The following UGT1A9 variants were observed in gnomAD, a reference collection of about 807,000 sequenced individuals.
UGT1A9 encodes UDP glucuronosyltransferase family 1 member A9, also known as UDP-glucuronosyltransferase 1A9.
Under a neutral mutation model 45.0 loss-of-function variants are expected in UGT1A9, and 35 were observed. The ratio of observed to expected loss-of-function variants is 0.78; its 90% confidence interval spans 0.59 to 1.03. The LOEUF is 1.03. UGT1A9 is among the 50% of genes least tolerant of loss of function. UGT1A9 has a pLI of 0.00. For synonymous variants in UGT1A9, 278 were observed against 250.6 expected (o/e 1.11, Z -1.03); for missense variants, 687 against 666.6 (o/e 1.03, Z -0.34).
chr2:233,694,717 T>A (rs1262844256), intron 1 of UGT1A9, among the ~76,000 whole-genome samples: 4 of 152,178 alleles, frequency 2.6e-5, no homozygotes, highest in Non-Finnish European at 5.9e-5. Flanking sequence ...CACCTGCTGA[T>A]TTCTCTGTTA....
At chr2:233,677,605 T>G (rs2074394886) in intron 1 of UGT1A9, among the ~76,000 whole-genome samples, 1 of 151,738 alleles carries the variant, frequency 6.6e-6, no homozygotes, top group South Asian at 2.1e-4. Flanking sequence ...ACCAGAAAAA[T>G]GAAGATGAAA....
chr2:233,719,362 A>G (rs780815803), intron 1 of UGT1A9: 39 of 1,613,708 alleles, frequency 2.4e-5, no homozygotes, highest in Non-Finnish European at 3.1e-5. Context: ...TGTGACTTAG[A>G]CTTTAAGGGC....
chr2:233,681,435 G>A (rs559305182), intron 1 of UGT1A9, among the ~76,000 whole-genome samples: 1 of 150,306 alleles, frequency 6.7e-6, no homozygotes, highest in East Asian at 2.0e-4. Flanking sequence ...TGAGGCTGAG[G>A]CAGGAGAATC....
intron 1 of UGT1A9, among the ~76,000 whole-genome samples, chr2:233,678,209 C>A (rs1243440589): frequency 3.3e-5 from 5 of 152,196 alleles, no homozygotes; most frequent in African/African-American, 2.4e-5. Context: ...CTATTGGGTA[C>A]TATGCTCAGT....
intron 1 of UGT1A9, chr2:233,748,135 T>A (rs1220195478): frequency 6.8e-6 from 11 of 1,609,160 alleles, no homozygotes; most frequent in Admixed American, 3.3e-5. Context: ...TTTTTAAAAA[T>A]TGTATTTACT....
rs200190624 is a variant in UGT1A9, at chr2:233,682,051, G to A, written c.855+9262G>A. ...TAGTGCCCATGGATGGGAGCCACTG[G>A]TTCACCATGCAGTCGGTGGTGGAGA... On this transcript the variant is annotated intron_variant, in intron 1 of 4. Transcript: ENST00000354728. 1.1e-5 allele frequency: 18 copies of A among 1,614,102 alleles called. No individual in the cohort carries two copies. In the African/African-American group the frequency reaches 2.3e-4, roughly 20 times the overall value.
chr2:233,756,182 C>T (rs1035761363), intron 1 of UGT1A9: 1 of 152,192 alleles, frequency 6.6e-6, no homozygotes, highest in African/African-American at 2.4e-5. Flanking sequence ...TTGAGAATCG[C>T]TAGTCTAGCA....
rs1700550070 is a variant in UGT1A9, at chr2:233,772,816, C to A, written c.*257C>A. 3 of 1,016,374 alleles carry A rather than the reference C, an allele frequency of 3.0e-6. No individual in the cohort carries two copies. The highest frequency in any genetic ancestry group is 3.1e-5 in the Admixed American group (1 of 31,990). 63.0% of individuals were successfully genotyped at this position (1,016,374 alleles called of 1,614,324 possible). ...CATGTGCCATTTTTCAGAGGACGTG[C>A]AGACAGGCTGGCATTCTAGATTACT... On this transcript the variant is annotated 3_prime_UTR_variant, in exon 5 of 5. Transcript: ENST00000354728.
chr2:233,760,168 C>A, intron 1 of UGT1A9: 1 of 1,526,138 alleles, frequency 6.6e-7, no homozygotes, highest in Non-Finnish European at 8.8e-7. Flanking sequence ...CCTTTGTGGA[C>A]TGACAGCTTT....
At chr2:233,704,427 A>G (rs939279482) in intron 1 of UGT1A9, among the ~76,000 whole-genome samples, 2 of 152,100 alleles carry the variant, frequency 1.3e-5, no homozygotes, top group Non-Finnish European at 1.5e-5. Flanking sequence ...ACTTAATTCC[A>G]GTTAAATATT....
intron 1 of UGT1A9, among the ~76,000 whole-genome samples, chr2:233,762,360 A>G (rs1698052842): frequency 6.6e-6 from 1 of 152,238 alleles, no homozygotes; most frequent in Non-Finnish European, 1.5e-5. Context: ...TACTCCAGCT[A>G]TTACATACCA....
At chr2:233,676,290 G>C (rs1297476312) in intron 1 of UGT1A9, among the ~76,000 whole-genome samples, 2 of 152,124 alleles carry the variant, frequency 1.3e-5, no homozygotes, top group Admixed American at 6.5e-5. Flanking sequence ...CAGGGGTCCT[G>C]CAAATATTTT....
At chr2:233,724,358 C>A (rs2077236787) in intron 1 of UGT1A9, among the ~76,000 whole-genome samples, 6 of 147,934 alleles carry the variant, frequency 4.1e-5, no homozygotes, top group Non-Finnish European at 3.0e-5. Flanking sequence ...CACCTCCCTC[C>A]CGGACGGGGT....
intron 1 of UGT1A9, among the ~76,000 whole-genome samples, chr2:233,734,119 A>AATC (rs958365418): frequency 7.2e-5 from 11 of 152,032 alleles, no homozygotes; most frequent in African/African-American, 2.7e-4. Flanking sequence ...TAATAATAAT[A>AATC]ATAAAAAGAA....
intron 1 of UGT1A9, among the ~76,000 whole-genome samples, chr2:233,706,587 G>A (rs916401740): frequency 6.6e-6 from 1 of 152,106 alleles, no homozygotes; most frequent in Non-Finnish European, 1.5e-5. Flanking sequence ...GAGATGGGAG[G>A]TGGACCTAAG....
At chr2:233,681,136 C>T (rs571489721) in intron 1 of UGT1A9, among the ~76,000 whole-genome samples, 2 of 151,750 alleles carry the variant, frequency 1.3e-5, no homozygotes, top group Non-Finnish European at 2.9e-5. Flanking sequence ...ACAGGTGAGC[C>T]GCAATTTCCT....
At chr2:233,730,753 G>T (rs115158591) in intron 1 of UGT1A9, among the ~76,000 whole-genome samples, 5 of 152,244 alleles carry the variant, frequency 3.3e-5, no homozygotes, top group African/African-American at 1.2e-4. Flanking sequence ...GAGGAGATAA[G>T]ACTGTGAATC....
chr2:233,719,808 A>G (rs2125672153), intron 1 of UGT1A9: 1 of 1,592,844 alleles, frequency 6.3e-7, no homozygotes, highest in Non-Finnish European at 8.5e-7. Context: ...TGGCTTCTTT[A>G]TAACAGATAA....
intron 1 of UGT1A9, among the ~76,000 whole-genome samples, chr2:233,735,822 A>G (rs1482941738): frequency 6.6e-6 from 1 of 152,164 alleles, no homozygotes. Flanking sequence ...TTCTTTAAGA[A>G]TGTTGAATAT....
Sources: allele counts gnomAD v4.1 joint callset (sites outside exome capture counted in the v4.1 genomes callset), GRCh38; gene constraint gnomAD v4.1.1; transcripts MANE v1.5; gene names NCBI Gene and HGNC (gene_info 2026-07-23, HGNC 2026-07-21).